The following TGM7 variants were observed in gnomAD, a reference collection of about 807,000 sequenced individuals.
TGM7 encodes protein-glutamine gamma-glutamyltransferase Z.
Under a neutral mutation model 79.5 loss-of-function variants are expected in TGM7, and 74 were observed. That is an observed-to-expected ratio of 0.93 (90% confidence interval 0.77 to 1.13). TGM7 has a LOEUF of 1.13. Among genes scored for constraint, TGM7 ranks in the 50% most tolerant of loss-of-function variants. The probability of loss-of-function intolerance (pLI) is 0.00; values close to 1 mark genes in which losing one functional copy is unlikely to be tolerated. For synonymous variants in TGM7, 354 were observed against 362.5 expected, an observed-to-expected ratio of 0.98 and a Z score of 0.27; for missense variants, 912 against 905.9, an observed-to-expected ratio of 1.01 and a Z score of -0.09.
chr15:43,278,017 T>C (rs2042886693), intron 11 of TGM7, among the ~76,000 whole-genome samples: 1 of 152,268 alleles, frequency 6.6e-6, no homozygotes, highest in Non-Finnish European at 1.5e-5. Context: ...CCCAGGCTTA[T>C]GTCTGCACTT....
chr15:43,279,742 G>A lies in TGM7; in HGVS notation c.1561C>T (p.Pro521Ser), dbSNP rs868813610. Residue 521 changes from proline to serine, a missense_variant, in exon 10 of 13, where the codon CCT becomes TCT. Coordinates refer to ENST00000452443, the MANE Select transcript of TGM7 (RefSeq NM_052955.3). Reference sequence around the variant, plus strand: ...ACCACCAGTCCGATGGGCCCCCGAGGGTGGGTGCTGTCTGGCACCCTCTGG... The same window carrying A: ...ACCACCAGTCCGATGGGCCCCCGAGAGTGGGTGCTGTCTGGCACCCTCTGG... The part of the protein sequence containing the change: ...RIQRVPDSTH[P>S]RGPIGLVVRF... 2 of 1,614,046 alleles carry A rather than the reference G, an allele frequency of 1.2e-6. No homozygotes were observed. Among genetic ancestry groups the A allele is most frequent in the Non-Finnish European group, 1.7e-6 (2 of 1,180,050 alleles).
chr15:43,286,830 C>G (rs2042937826), intron 6 of TGM7, among the ~76,000 whole-genome samples: 1 of 152,212 alleles, frequency 6.6e-6, no homozygotes, highest in East Asian at 1.9e-4. Context: ...AGCAAGGTGG[C>G]AAGTCTATAA....
intron 9 of TGM7, among the ~76,000 whole-genome samples, chr15:43,281,509 A>G (rs2042908773): frequency 6.6e-6 from 1 of 152,256 alleles, no homozygotes; most frequent in Admixed American, 6.5e-5. Flanking sequence ...ACATACTTAT[A>G]TATTAAAAAT....
intron 7 of TGM7, among the ~76,000 whole-genome samples, chr15:43,282,911 A>G (rs1381357484): frequency 6.6e-6 from 1 of 152,104 alleles, no homozygotes; most frequent in African/African-American, 2.4e-5. Flanking sequence ...GTAGCTGGGC[A>G]TGGTGGCGGG....
At chr15:43,280,920 C>T (rs1392365535) in intron 9 of TGM7, among the ~76,000 whole-genome samples, 6 of 152,204 alleles carry the variant, frequency 3.9e-5, no homozygotes, top group Non-Finnish European at 7.3e-5. Flanking sequence ...GAGTGTCTAC[C>T]GCCCTTCATA....
At position 43,284,883 on chromosome 15, in the gene TGM7, T is replaced by C. The variant is rs2042927306; in HGVS notation, c.935A>G (p.Asn312Ser). ...NFRSAHNVDR[N>S]LTIDTYYDRN... ...GTCATAGTACGTATCGATGGTCAAGTTCCTATCCACGTTGTGCGCGGAACG... is the reference window on the plus strand; with the variant it reads ...GTCATAGTACGTATCGATGGTCAAGCTCCTATCCACGTTGTGCGCGGAACG... Residue 312 changes from asparagine (N) to serine (S), a missense_variant, in exon 7 of 13, where the codon AAC becomes AGC. Physicochemically the swap from Asn to Ser is conservative, Grantham distance 46. Coordinates refer to ENST00000452443, the MANE Select transcript of TGM7 (RefSeq NM_052955.3). The C allele has an allele frequency of 6.2e-7, 1 of 1,614,026 alleles. No homozygotes were observed. Among genetic ancestry groups the C allele is most frequent in the East Asian group, 2.2e-5 (1 of 44,892 alleles).
chr15:43,284,667 G>C, intron 7 of TGM7, 147 bp downstream of exon 7: 2 of 974,360 alleles, frequency 2.1e-6, no homozygotes, highest in Non-Finnish European at 3.1e-6. Context: ...CAGCCTCCTG[G>C]GTTGGGGAAT....
chr15:43,291,063 C>T (rs556001526), intron 4 of TGM7, among the ~76,000 whole-genome samples: 3 of 152,292 alleles, frequency 2.0e-5, no homozygotes, highest in South Asian at 2.1e-4. Context: ...ATTTCCTTCT[C>T]CTGCCTGATT....
chr15:43,287,782 G>C, intron 4 of TGM7, 113 bp from the exon 5 acceptor site: 1 of 1,233,020 alleles, frequency 8.1e-7, no homozygotes, highest in Non-Finnish European at 1.1e-6. Flanking sequence ...TGTGGGGGCA[G>C]GGGGAGGGCG....
At chr15:43,291,922 G>T in intron 4 of TGM7, 57 bp downstream of exon 4, 4 of 1,243,624 alleles carry the variant, frequency 3.2e-6, no homozygotes, top group Non-Finnish European at 4.7e-6. Context: ...TAACAGGGTT[G>T]TGTAAGGACC....
intron 7 of TGM7, among the ~76,000 whole-genome samples, chr15:43,284,270 T>C (rs372322166): frequency 2.0e-5 from 3 of 152,080 alleles, no homozygotes; most frequent in African/African-American, 7.2e-5. Flanking sequence ...GAAACCAGAT[T>C]TGCGGGTAGA....
At chr15:43,301,059 G>T (rs2043023020) in intron 1 of TGM7, among the ~76,000 whole-genome samples, 1 of 152,010 alleles carries the variant, frequency 6.6e-6, no homozygotes, top group Admixed American at 6.6e-5. Flanking sequence ...TCAGCTCAAT[G>T]CAGCTTTGAC....
chr15:43,295,495 C>T (rs1008132985), intron 1 of TGM7, among the ~76,000 whole-genome samples: 15 of 152,060 alleles, frequency 9.9e-5, no homozygotes, highest in East Asian at 1.9e-4. Flanking sequence ...GAGGCTGAGG[C>T]GGGAGAATTG....
intron 7 of TGM7, among the ~76,000 whole-genome samples, chr15:43,284,018 G>A (rs2042922490): frequency 6.6e-6 from 1 of 152,168 alleles, no homozygotes; most frequent in South Asian, 2.1e-4. Flanking sequence ...GACCAACATG[G>A]TGAAACCCCG....
intron 8 of TGM7, 95 bp from the exon 9 acceptor site, chr15:43,282,181 T>A (rs2042913086): frequency 1.3e-6 from 2 of 1,516,650 alleles, no homozygotes; most frequent in East Asian, 4.7e-5. Flanking sequence ...CCACTGACTC[T>A]CACCCGTGGG....
chr15:43,277,337 C>G (rs2042883401), intron 11 of TGM7, among the ~76,000 whole-genome samples: 1 of 152,188 alleles, frequency 6.6e-6, no homozygotes, highest in Non-Finnish European at 1.5e-5. Context: ...TTAAAAGGAT[C>G]CTGAGGACAA....
rs188304210 is a variant in TGM7, at chr15:43,293,260, C to T, written c.193+189G>A. 2.6e-5 allele frequency among the ~76,000 whole-genome samples: 4 copies of T among 152,292 alleles called. No individual in the cohort carries two copies. In the East Asian group the frequency reaches 7.8e-4, roughly 30 times the overall value. On this transcript the variant is annotated intron_variant, in intron 2 of 12. Transcript: ENST00000452443. ...GGTCGGTTGTTAACTGCCACAACCT[C>T]AGTTTGCCGAGTTGACCAAATCTCT...
chr15:43,299,023 G>A (rs1172703152), intron 1 of TGM7, among the ~76,000 whole-genome samples: 2 of 152,080 alleles, frequency 1.3e-5, no homozygotes, highest in East Asian at 1.9e-4. Flanking sequence ...TTACAGAAAG[G>A]TAGTTCACAA....
At chr15:43,301,757 G>A (rs939362195) in intron 1 of TGM7, among the ~76,000 whole-genome samples, 1 of 152,182 alleles carries the variant, frequency 6.6e-6, no homozygotes, top group Non-Finnish European at 1.5e-5. Context: ...CAGGAGAGGA[G>A]TGGCAGGGTT....
Sources: gnomAD v4.1 joint callset for allele counts (sites outside exome capture counted in the v4.1 genomes callset) on GRCh38, gnomAD v4.1.1 for gene constraint, MANE v1.5 for transcripts, NCBI Gene and HGNC (gene_info 2026-07-23, HGNC 2026-07-21) for gene names.